CDC42BPA: variants seen among roughly 807,000 people sequenced by gnomAD.
CDC42BPA encodes serine/threonine-protein kinase MRCK alpha.
A neutral mutation model predicts 223.5 loss-of-function variants in CDC42BPA; 80 were observed. That is an observed-to-expected ratio of 0.36 (90% CI 0.30 to 0.43). The LOEUF is 0.43. Ranked by LOEUF, CDC42BPA falls within the 20% of genes least tolerant of loss-of-function variation. The pLI is 1.00. For missense variants in CDC42BPA, 1,743 were observed against 2,099.9 expected (o/e 0.83, Z 3.32); for synonymous variants, 694 against 718.6 (o/e 0.97, Z 0.55).
At chr1:227,098,233 C>T (rs572315490) in intron 15 of CDC42BPA, among the ~76,000 whole-genome samples, 42 of 151,836 alleles carry the variant, frequency 2.8e-4, no homozygotes, top group Non-Finnish European at 4.9e-4. Context: ...CTCTTGACTT[C>T]CAAAAATTGG....
At chr1:227,086,481 T>C (rs1379511544) in intron 16 of CDC42BPA, among the ~76,000 whole-genome samples, 1 of 152,172 alleles carries the variant, frequency 6.6e-6, no homozygotes. Flanking sequence ...TCATCAATAG[T>C]TGATACGGTC....
chr1:227,209,963 T>C (rs528552484), intron 3 of CDC42BPA, among the ~76,000 whole-genome samples: 1 of 150,496 alleles, frequency 6.6e-6, no homozygotes, highest in Admixed American at 6.6e-5. Flanking sequence ...TCTGGTAGAA[T>C]TCGGCTGTGA....
At position 227,009,226 on chromosome 1, in the gene CDC42BPA, T is replaced by C. The variant is rs76105281; in HGVS notation, c.4858-4115A>G. Among the ~76,000 whole-genome samples, 369 of 152,312 alleles carry C rather than the reference T, an allele frequency of 2.4e-3. 2 individuals are homozygous for C. The highest frequency in any genetic ancestry group is 8.5e-3 in the African/African-American group (355 of 41,576). ...AAAAAAGTTTTGTTAAAAAACAGTT[T>C]ATCATTCAGTCCGCTAGAGTTAAAT... is the stretch of plus-strand genomic sequence containing the variant. On this transcript the variant is annotated intron_variant, in intron 34 of 36. Coordinates refer to ENST00000366766, the MANE Select transcript of CDC42BPA (RefSeq NM_001394014.1).
intron 21 of CDC42BPA, among the ~76,000 whole-genome samples, chr1:227,063,338 G>C (rs1676325549): frequency 6.6e-6 from 1 of 151,944 alleles, no homozygotes; most frequent in Non-Finnish European, 1.5e-5. Flanking sequence ...AAAACTTTAA[G>C]ACTGAATATG....
chr1:227,005,429 A>G (rs1466107388), intron 34 of CDC42BPA, among the ~76,000 whole-genome samples: 17 of 152,266 alleles, frequency 1.1e-4, no homozygotes, highest in Admixed American at 1.1e-3. Flanking sequence ...GTAGAATTAC[A>G]TGGACATTTG....
chr1:227,266,348 G>A (rs1282024089), intron 1 of CDC42BPA, among the ~76,000 whole-genome samples: 7 of 152,006 alleles, frequency 4.6e-5, no homozygotes, highest in African/African-American at 1.7e-4. Flanking sequence ...ATGATGATAC[G>A]CTCTTTTAGG....
At position 227,139,729 on chromosome 1, in the gene CDC42BPA, G is replaced by T. The variant is rs1437585356; in HGVS notation, c.1237C>A (p.Arg413=). The change falls in exon 10 of 37, where the codon CGG becomes AGG. Residue 413 remains arginine, a synonymous_variant. Transcript: ENST00000366766. Reference sequence around the variant, plus strand: ...CCAGCCGTAACTCTTAAACAGCTCCGATCAGAAAGTACACTGAAGAAAAGA... The same window carrying T: ...CCAGCCGTAACTCTTAAACAGCTCCTATCAGAAAGTACACTGAAGAAAAGA... ...TYTSSCVLSD[R]SCLRVTAGPT... 6.5e-7 allele frequency: 1 copy of T among 1,541,628 alleles called. No homozygotes were observed. The highest frequency in any genetic ancestry group is 8.7e-7 in the Non-Finnish European group (1 of 1,150,216).
chr1:227,258,576 A>G (rs1405007326), intron 1 of CDC42BPA, among the ~76,000 whole-genome samples: 1 of 151,114 alleles, frequency 6.6e-6, no homozygotes, highest in Non-Finnish European at 1.5e-5. Flanking sequence ...CTCCATTCAT[A>G]ATGTCTGGGA....
At chr1:227,277,534 C>A (rs949531302) in intron 1 of CDC42BPA, among the ~76,000 whole-genome samples, 1 of 152,092 alleles carries the variant, frequency 6.6e-6, no homozygotes, top group African/African-American at 2.4e-5. Context: ...TCCAGAAATA[C>A]GTTATCCATC....
chr1:227,257,519 G>A (rs550921027), intron 1 of CDC42BPA, among the ~76,000 whole-genome samples: 28 of 151,024 alleles, frequency 1.9e-4, no homozygotes, highest in African/African-American at 6.7e-4. Context: ...GGAAGCCAAG[G>A]CGGGTGAATC....
intron 15 of CDC42BPA, among the ~76,000 whole-genome samples, chr1:227,097,374 T>C (rs621874): frequency 0.28 from 43,086 of 152,010 alleles, 6,323 homozygotes; most frequent in African/African-American, 0.35. Flanking sequence ...CCTTATCTCA[T>C]TTGATTCAGA....
At chr1:227,102,552 T>C (rs942943013) in intron 14 of CDC42BPA, among the ~76,000 whole-genome samples, 1 of 152,154 alleles carries the variant, frequency 6.6e-6, no homozygotes, top group Non-Finnish European at 1.5e-5. Context: ...GTGATGACTG[T>C]TGGGATGGCA....
intron 1 of CDC42BPA, among the ~76,000 whole-genome samples, chr1:227,301,844 C>A (rs187918878): frequency 6.6e-6 from 1 of 152,226 alleles, no homozygotes; most frequent in East Asian, 1.9e-4. Flanking sequence ...ATGGTTACAG[C>A]ATAATTTTAG....
intron 24 of CDC42BPA, among the ~76,000 whole-genome samples, chr1:227,036,114 ATATACT>A: frequency 6.6e-6 from 1 of 152,346 alleles, no homozygotes; most frequent in East Asian, 1.9e-4. Context: ...TTATTATTAC[ATATACT>A]TAAACTACTA....
At chr1:227,187,672 A>ACCC (rs150262459) in intron 5 of CDC42BPA, among the ~76,000 whole-genome samples, 3 of 39,564 alleles carry the variant, frequency 7.6e-5, no homozygotes, top group African/African-American at 1.1e-4. Flanking sequence ...GATAAATGGC[A>ACCC]CCCCCCACCC....
chr1:227,170,477 ATTG>A lies in CDC42BPA; in HGVS notation c.600-9844_600-9842del, dbSNP rs375674535. ...AGCAAAAAAAAAAAAGAAAAAAAAA[ATTG>A]TTGTTGTTTTATATTAGTCACTATA... On this transcript the variant is annotated intron_variant, in intron 5 of 36. Coordinates refer to ENST00000366766, the MANE Select transcript of CDC42BPA (RefSeq NM_001394014.1). 3.7e-3 allele frequency among the ~76,000 whole-genome samples: 567 copies of A among 152,140 alleles called. 3 individuals carry two copies. The highest frequency in any genetic ancestry group is 0.013 in the African/African-American group (549 of 41,474).
At chr1:227,277,911 G>A (rs943894435) in intron 1 of CDC42BPA, among the ~76,000 whole-genome samples, 3 of 151,990 alleles carry the variant, frequency 2.0e-5, no homozygotes, top group Admixed American at 6.6e-5. Flanking sequence ...CACGACGCCC[G>A]GCTAATTTTT....
rs528737009 is a variant in CDC42BPA at position 227,285,735 on chromosome 1, CTG to C, written c.178+31268_178+31269del. Reference sequence around the variant, plus strand: ...ATCCACAAAATCTCCACCTGTTTCTCTGTCTCACGCTAGTGTAAAAAAAGGAG... The same window carrying C: ...ATCCACAAAATCTCCACCTGTTTCTCTCTCACGCTAGTGTAAAAAAAGGAG... On this transcript the variant is annotated intron_variant, in intron 1 of 36. Coordinates refer to ENST00000366766, the MANE Select transcript of CDC42BPA (RefSeq NM_001394014.1). Among the ~76,000 whole-genome samples the C allele has an allele frequency of 3.3e-4, 50 of 152,344 alleles. 1 individual carries two copies. The highest frequency in any genetic ancestry group is 3.3e-3 in the Admixed American group (50 of 15,296).
At chr1:227,082,030 GAT>G (rs1052707198) in intron 16 of CDC42BPA, among the ~76,000 whole-genome samples, 12 of 151,880 alleles carry the variant, frequency 7.9e-5, no homozygotes, top group East Asian at 3.9e-4. Context: ...TTAATGGCTG[GAT>G]ATATGTTTTT....
Sources: gnomAD v4.1 joint callset for allele counts (sites outside exome capture counted in the v4.1 genomes callset) on GRCh38, gnomAD v4.1.1 for gene constraint, MANE v1.5 for transcripts, NCBI Gene and HGNC (gene_info 2026-07-23, HGNC 2026-07-21) for gene names.